The following NOX4 variants were observed in gnomAD, a reference collection of about 807,000 sequenced individuals.
NOX4 encodes the protein NADPH oxidase 4.
In NOX4, 69 loss-of-function variants were observed where a neutral mutation model predicts 87.6. The ratio of observed to expected loss-of-function variants is 0.79; its 90% CI spans 0.65 to 0.96. NOX4 has a LOEUF of 0.96. NOX4 is among the 40% of genes least tolerant of loss of function. The pLI is 0.00. For missense variants in NOX4, 680 were observed against 681.5 expected (o/e 1.00, Z 0.02); for synonymous variants, 275 against 238.2 (o/e 1.15, Z -1.42).
chr11:89,391,183 A>T (rs2135135284), intron 11 of NOX4, among the ~76,000 whole-genome samples: 1 of 152,314 alleles, frequency 6.6e-6, no homozygotes, highest in South Asian at 2.1e-4. Flanking sequence ...GAGAACAGAT[A>T]TTAATTAAAC....
intron 9 of NOX4, among the ~76,000 whole-genome samples, chr11:89,400,841 TATA>T (rs1165795729): frequency 9.1e-5 from 11 of 121,268 alleles, no homozygotes; most frequent in African/African-American, 3.6e-4. Context: ...TATACATACA[TATA>T]ATATGTATAT....
chr11:89,342,514 A>T (rs546806793), intron 13 of NOX4, among the ~76,000 whole-genome samples: 83 of 152,298 alleles, frequency 5.4e-4, no homozygotes, highest in Non-Finnish European at 9.1e-4. Flanking sequence ...TATGTCTAAT[A>T]TAGTCATATA....
chr11:89,570,249 A>G, the NOX4 span, among the ~76,000 whole-genome samples: 1 of 152,202 alleles, frequency 6.6e-6, no homozygotes, highest in Non-Finnish European at 1.5e-5. Flanking sequence ...TAGTTAATGC[A>G]AGAAAAGAAA....
At position 89,444,142 on chromosome 11, in the gene NOX4, C is replaced by T. The variant is rs147350656; in HGVS notation, c.440G>A (p.Arg147Gln). 5.0e-5 allele frequency: 81 copies of T among 1,613,110 alleles called. No individual in the cohort carries two copies. Among genetic ancestry groups the T allele is most frequent in the Non-Finnish European group, 6.4e-5 (75 of 1,179,462 alleles). Residue 147 changes from arginine to glutamine, a missense_variant, in exon 5 of 18, where the codon CGA (arginine) becomes CAA (glutamine). By Grantham distance (43) the Arg-to-Gln change is conservative. Coordinates refer to ENST00000263317, the MANE Select transcript of NOX4 (RefSeq NM_016931.5). The stretch of plus-strand genomic sequence containing the variant: ...AAGACAGAGACCACCCACCTCATCT[C>T]GGTATCTTGCTGCATTCAGTTCAAC... ...DFVELNAARY[R>Q]DEDPRKLLFT...
chr11:89,383,634 G>T (rs1230728352), intron 11 of NOX4, among the ~76,000 whole-genome samples: 1 of 152,082 alleles, frequency 6.6e-6, no homozygotes, highest in East Asian at 1.9e-4. Context: ...GGTATTGACA[G>T]CCAGGCTTCG....
intron 5 of NOX4, 74 bp downstream of exon 5, chr11:89,444,061 A>C (rs373625275): frequency 7.7e-7 from 1 of 1,291,592 alleles, no homozygotes. Flanking sequence ...ACAAATTTTC[A>C]GGGAAAAATC....
the NOX4 span, among the ~76,000 whole-genome samples, chr11:89,518,412 AC>A: frequency 4.6e-5 from 7 of 152,050 alleles, no homozygotes; most frequent in East Asian, 1.9e-4. Flanking sequence ...ATAAAAAAAA[AC>A]AATAAAATCA....
At chr11:89,564,147 A>C in the NOX4 span, among the ~76,000 whole-genome samples, 312 of 152,264 alleles carry the variant, frequency 2.0e-3, 3 homozygotes, top group African/African-American at 7.0e-3. Context: ...ATGTTTCCTT[A>C]AATTGCAAAT....
Position 89,402,503 on chromosome 11 carries a change from A to C in NOX4, c.669T>G (p.Pro223=), listed in dbSNP as rs192392401. 12 of 1,611,518 alleles carry C rather than the reference A, an allele frequency of 7.4e-6. No individual in the cohort carries two copies. In the African/African-American group the frequency reaches 1.3e-4, roughly 18 times the overall value. ...TTCGGTTAAGACTGATGCAGCCGGG[A>C]GGGTGGGTATCTAAATTAGTTTGAT... ...LKYQTNLDTH[P]PGCISLNRTS... The change falls in exon 9 of 18, where the codon CCT becomes CCG. Residue 223 remains proline (P), a synonymous_variant. Coordinates refer to ENST00000263317, the MANE Select transcript of NOX4 (RefSeq NM_016931.5).
At chr11:89,560,069 T>C in the NOX4 span, among the ~76,000 whole-genome samples, 1 of 152,032 alleles carries the variant, frequency 6.6e-6, no homozygotes, top group Non-Finnish European at 1.5e-5. Context: ...TAGGGATTGC[T>C]CAAATCCAGT....
intron 4 of NOX4, 131 bp downstream of exon 4, chr11:89,449,309 T>C (rs907983442): frequency 1.3e-5 from 8 of 608,516 alleles, no homozygotes; most frequent in South Asian, 2.4e-5. Flanking sequence ...TTACCCCAAA[T>C]TGTCATCAGT....
At chr11:89,435,391 G>A (rs904776145) in intron 6 of NOX4, among the ~76,000 whole-genome samples, 5 of 151,890 alleles carry the variant, frequency 3.3e-5, no homozygotes, top group Non-Finnish European at 7.4e-5. Context: ...TTACTTCATC[G>A]AAAGAACACC....
chr11:89,379,452 T>A (rs1033974703), intron 11 of NOX4, among the ~76,000 whole-genome samples: 6 of 152,160 alleles, frequency 3.9e-5, no homozygotes, highest in Admixed American at 2.0e-4. Flanking sequence ...ACCAGCCATG[T>A]AACTACTACT....
intron 7 of NOX4, among the ~76,000 whole-genome samples, chr11:89,430,377 T>TA (rs775191865): frequency 2.0e-5 from 3 of 152,014 alleles, no homozygotes; most frequent in East Asian, 3.9e-4. Context: ...GAGAAAGAAA[T>TA]AAAGGATATT....
intron 13 of NOX4, among the ~76,000 whole-genome samples, chr11:89,354,444 A>G (rs571730108): frequency 2.6e-5 from 4 of 152,330 alleles, no homozygotes; most frequent in Admixed American, 2.6e-4. Context: ...TCTGCTTCAC[A>G]TAACAAAGCG....
At chr11:89,553,869 C>A in the NOX4 span, among the ~76,000 whole-genome samples, 1 of 105,552 alleles carries the variant, frequency 9.5e-6, no homozygotes, top group Non-Finnish European at 1.8e-5. Context: ...AGAAGAGAAA[C>A]AAACATCTTT....
At chr11:89,332,075 T>G (rs1590940757) in intron 17 of NOX4, among the ~76,000 whole-genome samples, 1 of 151,730 alleles carries the variant, frequency 6.6e-6, no homozygotes, top group Non-Finnish European at 1.5e-5. Context: ...GGTTTGGGGG[T>G]AGACATTAGA....
Position 89,394,748 on chromosome 11 carries a change from T to C in NOX4, c.1074+5269A>G, listed in dbSNP as rs564948718. Among the ~76,000 whole-genome samples, 5 of 151,928 alleles carry C rather than the reference T, an allele frequency of 3.3e-5. No individual in the cohort carries two copies. The South Asian group carries it at 6.2e-4, about 19-fold the overall frequency. On this transcript the variant is annotated intron_variant, in intron 11 of 17. Transcript: ENST00000263317. The stretch of plus-strand genomic sequence containing the variant: ...ATTCCCACCTATGAGTGAGAACATG[T>C]GGTGTTTGCTTCTCTGTCCTTGTGA...
chr11:89,539,215 T>C, the NOX4 span, among the ~76,000 whole-genome samples: 1 of 152,050 alleles, frequency 6.6e-6, no homozygotes, highest in South Asian at 2.1e-4. Context: ...GGGCAGATCA[T>C]GAGGTCAGGA....
Sources: allele counts gnomAD v4.1 joint callset (sites outside exome capture counted in the v4.1 genomes callset), GRCh38; gene constraint gnomAD v4.1.1; transcripts MANE v1.5; gene names NCBI Gene and HGNC (gene_info 2026-07-23, HGNC 2026-07-21).